CHRM3: variants seen among roughly 807,000 people sequenced by gnomAD.
CHRM3 encodes the protein cholinergic receptor muscarinic 3.
CHRM3 carries 11 observed loss-of-function variants against 41.8 expected under a neutral mutation model. That is an observed-to-expected ratio of 0.26 (90% CI 0.17 to 0.44). The LOEUF (loss-of-function observed/expected upper bound fraction) is 0.44. CHRM3 is among the 20% of genes least tolerant of loss of function. CHRM3 has a pLI of 1.00. For synonymous variants in CHRM3, 297 were observed against 301.4 expected (o/e 0.99, Z 0.15); for missense variants, 571 against 745.4 (o/e 0.77, Z 2.72).
chr1:239,710,516 G>T lies in CHRM3; in HGVS notation c.-147+32228G>T, dbSNP rs573751464. 9.2e-5 allele frequency among the ~76,000 whole-genome samples: 14 copies of T among 152,174 alleles called. No homozygotes were observed. In the South Asian group the frequency reaches 2.5e-3, roughly 27 times the overall value. The stretch of plus-strand genomic sequence containing the variant: ...GGAGATAGATATGCTATGGGTTTGG[G>T]TATGTGACATATGAGCAGGAGGGTA... On this transcript the variant is annotated intron_variant, in intron 5 of 6. Coordinates refer to ENST00000676153, the MANE Select transcript of CHRM3 (RefSeq NM_001375978.1).
chr1:239,895,583 A>G (rs1678929151), intron 6 of CHRM3, among the ~76,000 whole-genome samples: 1 of 152,228 alleles, frequency 6.6e-6, no homozygotes, highest in Non-Finnish European at 1.5e-5. Flanking sequence ...GCCCCTCATC[A>G]ATAGATTGGA....
rs532069527 is a variant in CHRM3 at position 239,453,047 on chromosome 1, G to T, written c.-520-39662G>T. ...GATCTCCTGACCTCGTGATCCGCCC[G>T]CCTCAGCCTCCCAAAGTGCTGGGAT... On this transcript the variant is annotated intron_variant, in intron 1 of 6. Coordinates refer to ENST00000676153, the MANE Select transcript of CHRM3 (RefSeq NM_001375978.1). 1.8e-4 allele frequency among the ~76,000 whole-genome samples: 27 copies of T among 152,236 alleles called. 1 individual carries two copies. The South Asian group carries it at 5.6e-3, about 32-fold the overall frequency.
intron 5 of CHRM3, among the ~76,000 whole-genome samples, chr1:239,717,708 C>T (rs1454694558): frequency 6.6e-6 from 1 of 152,006 alleles, no homozygotes; most frequent in Non-Finnish European, 1.5e-5. Flanking sequence ...CTGCCTTAAA[C>T]AATGTCCGGG....
At chr1:239,606,279 G>A (rs866542624) in intron 3 of CHRM3, 1 of 146,932 alleles carries the variant, frequency 6.8e-6, no homozygotes, top group Middle Eastern at 3.5e-3. Context: ...GTTTTTTTTT[G>A]GGGAGGGTGC....
At chr1:239,700,686 T>A (rs1480844693) in intron 5 of CHRM3, among the ~76,000 whole-genome samples, 2 of 152,180 alleles carry the variant, frequency 1.3e-5, no homozygotes, top group East Asian at 3.9e-4. Context: ...GCCCGCAGAC[T>A]CGTTTTTGGT....
chr1:239,642,586 A>G (rs373468442), intron 4 of CHRM3, among the ~76,000 whole-genome samples: 14 of 152,188 alleles, frequency 9.2e-5, no homozygotes, highest in Non-Finnish European at 1.3e-4. Flanking sequence ...CATTCTTCAC[A>G]TAGTTCTCGA....
chr1:239,820,798 T>A (rs1355578843), intron 5 of CHRM3, among the ~76,000 whole-genome samples: 1 of 152,150 alleles, frequency 6.6e-6, no homozygotes, highest in Non-Finnish European at 1.5e-5. Context: ...TTATTAGTAC[T>A]ATCCAGAAAG....
chr1:239,722,544 A>G (rs1663073112), intron 5 of CHRM3, among the ~76,000 whole-genome samples: 1 of 151,932 alleles, frequency 6.6e-6, no homozygotes, highest in Non-Finnish European at 1.5e-5. Flanking sequence ...TTTAGTTCAC[A>G]TCTCTTAGTC....
chr1:239,496,706 G>A (rs1488699594), intron 2 of CHRM3, among the ~76,000 whole-genome samples: 1 of 151,978 alleles, frequency 6.6e-6, no homozygotes, highest in African/African-American at 2.4e-5. Context: ...CAAATTTAAT[G>A]TATATACCAT....
intron 4 of CHRM3, among the ~76,000 whole-genome samples, chr1:239,656,678 G>T (rs1418050635): frequency 6.6e-6 from 1 of 151,720 alleles, no homozygotes; most frequent in Non-Finnish European, 1.5e-5. Context: ...ATAAAATTTT[G>T]GTATTGAGGT....
chr1:239,584,189 C>T (rs896444314), intron 3 of CHRM3, among the ~76,000 whole-genome samples: 3 of 150,842 alleles, frequency 2.0e-5, no homozygotes, highest in Non-Finnish European at 2.9e-5. Context: ...CTGCAACCTC[C>T]GCCTCCTGGG....
intron 5 of CHRM3, among the ~76,000 whole-genome samples, chr1:239,768,543 G>A (rs1463422538): frequency 7.0e-6 from 1 of 142,358 alleles, no homozygotes; most frequent in African/African-American, 2.6e-5. Context: ...AAATAAACAT[G>A]CTGTAAAGAA....
intron 1 of CHRM3, among the ~76,000 whole-genome samples, chr1:239,489,285 G>A (rs549702765): frequency 1.3e-4 from 20 of 152,178 alleles, no homozygotes; most frequent in African/African-American, 4.6e-4. Flanking sequence ...GGGGACACAT[G>A]CCTGTAATCC....
At position 239,750,191 on chromosome 1, in the gene CHRM3, TGG is replaced by T. The variant is rs537668173; in HGVS notation, c.-147+71904_-147+71905del. Among the ~76,000 whole-genome samples, 289 of 152,270 alleles carry T rather than the reference TGG, an allele frequency of 1.9e-3. 1 individual carries two copies. Among genetic ancestry groups the T allele is most frequent in the African/African-American group, 6.5e-3 (271 of 41,540 alleles). On this transcript the variant is annotated intron_variant, in intron 5 of 6. Coordinates refer to ENST00000676153, the MANE Select transcript of CHRM3 (RefSeq NM_001375978.1). ...CTCAGCAGTAGAGCTTTCCATGTAC[TGG>T]ATGGGCCGGCTGGCAGATGATTTAG...
chr1:239,636,789 G>T (rs1292987888), intron 4 of CHRM3, among the ~76,000 whole-genome samples: 1 of 152,208 alleles, frequency 6.6e-6, no homozygotes, highest in Non-Finnish European at 1.5e-5. Flanking sequence ...GTAGATTCTT[G>T]TGATCCAAAA....
At chr1:239,698,912 A>G (rs1387018195) in intron 5 of CHRM3, among the ~76,000 whole-genome samples, 3 of 152,232 alleles carry the variant, frequency 2.0e-5, no homozygotes, top group Non-Finnish European at 4.4e-5. Flanking sequence ...ATGAGTTGAC[A>G]TGCAGGTATG....
chr1:239,773,624 G>A (rs1176547793), intron 5 of CHRM3, among the ~76,000 whole-genome samples: 1 of 152,098 alleles, frequency 6.6e-6, no homozygotes, highest in Non-Finnish European at 1.5e-5. Flanking sequence ...TCTTTTCTTT[G>A]TCTTATAATT....
At chr1:239,840,515 A>C (rs547186780) in intron 6 of CHRM3, among the ~76,000 whole-genome samples, 128 of 152,340 alleles carry the variant, frequency 8.4e-4, no homozygotes, top group Non-Finnish European at 1.6e-3. Flanking sequence ...GAGCAAGAAA[A>C]TGACCATTAG....
chr1:239,587,228 T>C (rs1663513111), intron 3 of CHRM3, among the ~76,000 whole-genome samples: 1 of 152,182 alleles, frequency 6.6e-6, no homozygotes, highest in Non-Finnish European at 1.5e-5. Context: ...GGTGGCTTCT[T>C]GCAGATCCAC....
Sources: gnomAD v4.1 joint callset for allele counts (sites outside exome capture counted in the v4.1 genomes callset) on GRCh38, gnomAD v4.1.1 for gene constraint, MANE v1.5 for transcripts, NCBI Gene and HGNC (gene_info 2026-07-23, HGNC 2026-07-21) for gene names.